Variants in PHLDB2 observed in about 807,000 individuals in gnomAD.
The protein encoded by PHLDB2 is pleckstrin homology like domain family B member 2.
PHLDB2 carries 71 observed loss-of-function variants against 123.6 expected under a neutral mutation model. That is an observed-to-expected ratio of 0.57 (90% CI 0.47 to 0.70). The LOEUF is 0.70. Among genes scored for constraint, PHLDB2 ranks in the 30% least tolerant of loss-of-function variants. The pLI is 0.00. For missense variants in PHLDB2, 1,446 were observed against 1,519.5 expected (o/e 0.95, Z 0.80); for synonymous variants, 547 against 541.6 (o/e 1.01, Z -0.14).
At chr3:111,809,953 A>C (rs2061756410) in intron 1 of PHLDB2, among the ~76,000 whole-genome samples, 1 of 152,322 alleles carries the variant, frequency 6.6e-6, no homozygotes, top group African/African-American at 2.4e-5. Flanking sequence ...CAGCCTCCCA[A>C]GTAGCTGGGA....
At chr3:111,781,543 A>G (rs1233088476) in intron 1 of PHLDB2, among the ~76,000 whole-genome samples, 2 of 152,130 alleles carry the variant, frequency 1.3e-5, no homozygotes, top group African/African-American at 4.8e-5. Flanking sequence ...CTTCATCACA[A>G]TAGCCTTATT....
chr3:111,940,523 C>A lies in PHLDB2; in HGVS notation c.2287-12C>A. ...AATGTACATCTTCCTATGATCATCTCTTTTCCTCCAGGAAAAAATTTCTGC... is the reference window on the plus strand; with the variant it reads ...AATGTACATCTTCCTATGATCATCTATTTTCCTCCAGGAAAAAATTTCTGC... On this transcript the variant is annotated splice_polypyrimidine_tract_variant and intron_variant, in intron 7 of 17. Transcript: ENST00000431670. The A allele has an allele frequency of 6.5e-7, 1 of 1,534,820 alleles. No individual in the cohort carries two copies. Among genetic ancestry groups the A allele is most frequent in the Non-Finnish European group, 9.0e-7 (1 of 1,115,766 alleles).
At chr3:111,877,549 G>A (rs2065695730) in intron 1 of PHLDB2, among the ~76,000 whole-genome samples, 1 of 152,142 alleles carries the variant, frequency 6.6e-6, no homozygotes, top group Non-Finnish European at 1.5e-5. Context: ...ATCTTTTGCT[G>A]TGCAGAAGCT....
chr3:111,756,425 G>T (rs1303884863), intron 1 of PHLDB2, among the ~76,000 whole-genome samples: 3 of 152,112 alleles, frequency 2.0e-5, no homozygotes, highest in Non-Finnish European at 4.4e-5. Flanking sequence ...TGTCTCTTTT[G>T]ATCTTTGTTG....
intron 1 of PHLDB2, among the ~76,000 whole-genome samples, chr3:111,830,839 A>G (rs544784069): frequency 3.4e-4 from 50 of 146,852 alleles, no homozygotes; most frequent in Non-Finnish European, 6.4e-4. Context: ...AAAAGGCAGC[A>G]CATCCCAGAG....
intron 2 of PHLDB2, among the ~76,000 whole-genome samples, chr3:111,900,181 A>G (rs1315109492): frequency 6.6e-6 from 1 of 152,198 alleles, no homozygotes; most frequent in Non-Finnish European, 1.5e-5. Context: ...TATTTTGACC[A>G]CTAAAACTTT....
At chr3:111,849,767 A>T (rs1308843862) in intron 2 of PHLDB2, among the ~76,000 whole-genome samples, 1 of 152,250 alleles carries the variant, frequency 6.6e-6, no homozygotes, top group African/African-American at 2.4e-5. Context: ...TGAGTGAATA[A>T]AGAAAATGTG....
At chr3:111,821,329 C>T (rs997054009) in intron 1 of PHLDB2, among the ~76,000 whole-genome samples, 1 of 152,026 alleles carries the variant, frequency 6.6e-6, no homozygotes, top group African/African-American at 2.4e-5. Flanking sequence ...GTCAAGGTTC[C>T]CCAGAGAAAC....
chr3:111,866,974 T>TGTGTGTGTGTGTGTGTG (rs1553742808), intron 1 of PHLDB2, among the ~76,000 whole-genome samples: 2 of 150,858 alleles, frequency 1.3e-5, no homozygotes, highest in African/African-American at 2.5e-5. Context: ...TGTGTGTGTA[T>TGTGTGTGTGTGTGTGTG]TTTAACCTTT....
At chr3:111,962,511 G>A (rs947162823) in intron 13 of PHLDB2, among the ~76,000 whole-genome samples, 199 bp downstream of exon 13, 1 of 152,170 alleles carries the variant, frequency 6.6e-6, no homozygotes, top group Non-Finnish European at 1.5e-5. Context: ...AGCTAGTCAG[G>A]CATCATATAA....
At chr3:111,911,511 C>T in intron 2 of PHLDB2, 9 of 965,060 alleles carry the variant, frequency 9.3e-6, no homozygotes, top group Non-Finnish European at 1.4e-5. Context: ...GCAATGAAGG[C>T]TATGTCCCCC....
At chr3:111,903,949 T>C (rs1389822169) in intron 2 of PHLDB2, among the ~76,000 whole-genome samples, 2 of 152,140 alleles carry the variant, frequency 1.3e-5, no homozygotes, top group Non-Finnish European at 2.9e-5. Context: ...TCCAACTCTA[T>C]GTTCTTTCTA....
At position 111,946,440 on chromosome 3, in the gene PHLDB2, A is replaced by G. The variant is rs541306124; in HGVS notation, c.2487+1083A>G. Among the ~76,000 whole-genome samples, 10 of 152,392 alleles carry G rather than the reference A, an allele frequency of 6.6e-5. No individual in the cohort carries two copies. The South Asian group carries it at 2.1e-3, about 32-fold the overall frequency. On this transcript the variant is annotated intron_variant, in intron 9 of 17. Transcript: ENST00000431670. ...TAGACAGTGGAGTTTGGACTCTTAC[A>G]TAGAAAATATTTTTGTGTGTGTAAG...
intron 5 of PHLDB2, among the ~76,000 whole-genome samples, chr3:111,923,617 C>G (rs2068649091): frequency 6.6e-6 from 1 of 152,130 alleles, no homozygotes; most frequent in Non-Finnish European, 1.5e-5. Context: ...AACTCTTGAT[C>G]TTATCTTTTC....
intron 5 of PHLDB2, among the ~76,000 whole-genome samples, chr3:111,930,662 T>G (rs2069090701): frequency 6.6e-6 from 1 of 152,212 alleles, no homozygotes; most frequent in Non-Finnish European, 1.5e-5. Flanking sequence ...TGCTAGTATA[T>G]TCAGTTTAAC....
intron 1 of PHLDB2, among the ~76,000 whole-genome samples, chr3:111,837,503 G>C (rs777935579): frequency 1.3e-5 from 2 of 152,070 alleles, no homozygotes; most frequent in Non-Finnish European, 2.9e-5. Context: ...ATAAATCTGA[G>C]AAATGCTGGA....
intron 1 of PHLDB2, among the ~76,000 whole-genome samples, chr3:111,796,149 C>T (rs968828016): frequency 2.9e-4 from 44 of 152,246 alleles, no homozygotes; most frequent in South Asian, 2.3e-3. Context: ...CTGCCTGACT[C>T]GGCTTCCCAA....
Position 111,966,650 on chromosome 3 carries a change from G to C in PHLDB2, c.3115G>C (p.Glu1039Gln). The change falls in exon 14 of 18, where the codon GAG becomes CAG. Residue 1039 changes from glutamate to glutamine, a missense_variant. Physicochemically the swap from Glu to Gln is conservative, Grantham distance 29. Around this residue, in one of 3 missense-constraint regions of PHLDB2, gnomAD observed 594 missense variants for 646.0 expected, o/e 0.92. Coordinates refer to ENST00000431670, the MANE Select transcript of PHLDB2 (RefSeq NM_001134438.2). ...AAATATTGCTAGAATAGAAGAAATG[G>C]AGAGACTTTTGAAGCAGGCTCATGC... ...TSNIARIEEM[E>Q]RLLKQAHAEK... 6.2e-7 allele frequency: 1 copy of C among 1,613,472 alleles called. No individual in the cohort carries two copies. The highest frequency in any genetic ancestry group is 1.1e-5 in the South Asian group (1 of 91,052).
At chr3:111,874,410 C>G (rs748769422) in intron 1 of PHLDB2, among the ~76,000 whole-genome samples, 9 of 152,146 alleles carry the variant, frequency 5.9e-5, no homozygotes, top group Non-Finnish European at 1.2e-4. Flanking sequence ...TAGCTCAGAG[C>G]CTGATTTATA....
Sources: allele counts gnomAD v4.1 joint callset (sites outside exome capture counted in the v4.1 genomes callset), GRCh38; gene constraint gnomAD v4.1.1; regional missense constraint gnomAD v4.1.1; transcripts MANE v1.5; gene names NCBI Gene and HGNC (gene_info 2026-07-23, HGNC 2026-07-21).